Variants in LMTK2 observed in about 807,000 individuals in gnomAD.
The protein encoded by LMTK2 is lemur tail kinase 2, also known as serine/threonine-protein kinase LMTK2.
A neutral mutation model predicts 127.5 loss-of-function variants in LMTK2; 37 were observed. That is an observed-to-expected ratio of 0.29 (90% CI 0.22 to 0.38). The LOEUF (loss-of-function observed/expected upper bound fraction) is 0.38. Ranked by LOEUF, LMTK2 falls within the 10% of genes least tolerant of loss-of-function variation. The probability of loss-of-function intolerance (pLI) is 1.00; values close to 1 mark genes in which losing one functional copy is unlikely to be tolerated. For missense variants in LMTK2, 1,694 were observed against 1,920.3 expected, an observed-to-expected ratio of 0.88 and a Z score of 2.20; for synonymous variants, 819 against 810.1, an observed-to-expected ratio of 1.01 and a Z score of -0.19.
At position 98,137,383 on chromosome 7, in the gene LMTK2, T is replaced by A; in HGVS notation, c.172T>A (p.Leu58Ile). The change falls in exon 2 of 14, where the codon TTA becomes ATA. Residue 58 changes from leucine (L) to isoleucine (I), a missense_variant. Around this residue, in one of 8 missense-constraint regions of LMTK2, gnomAD observed 76 missense variants for 82.0 expected, o/e 0.93. Transcript: ENST00000297293. ...CCTGTGTGTGTGCAGTTTAATAATA[T>A]TAATAGTGTTAATTGCAAACTGTGT... ...VILCVCSLII[L>I]IVLIANCVSC... 2 of 1,613,822 alleles carry A rather than the reference T, an allele frequency of 1.2e-6. No homozygotes were observed. Among genetic ancestry groups the A allele is most frequent in the Non-Finnish European group, 1.7e-6 (2 of 1,179,780 alleles).
intron 6 of LMTK2, among the ~76,000 whole-genome samples, chr7:98,160,309 ATTTT>A (rs527242990): frequency 2.4e-4 from 37 of 152,314 alleles, no homozygotes; most frequent in Non-Finnish European, 4.7e-4. Context: ...AAGCATCGTG[ATTTT>A]TTGTTTTAAT....
intron 3 of LMTK2, among the ~76,000 whole-genome samples, chr7:98,149,063 T>G (rs1796813711): frequency 6.6e-6 from 1 of 152,252 alleles, no homozygotes; most frequent in Non-Finnish European, 1.5e-5. Context: ...CTCATTTGCC[T>G]TTCGTTGTTT....
At chr7:98,150,670 T>G (rs1334640935) in intron 3 of LMTK2, among the ~76,000 whole-genome samples, 4 of 152,262 alleles carry the variant, frequency 2.6e-5, no homozygotes, top group African/African-American at 9.6e-5. Flanking sequence ...AAAACTCTTC[T>G]GTGACAAAAG....
chr7:98,175,711 G>C (rs1401618828), intron 7 of LMTK2, among the ~76,000 whole-genome samples: 1 of 152,218 alleles, frequency 6.6e-6, no homozygotes, highest in African/African-American at 2.4e-5. Flanking sequence ...TATCTCCCAT[G>C]ATGTATGTCA....
intron 2 of LMTK2, 55 bp from the exon 3 acceptor site, chr7:98,141,342 T>A: frequency 1.3e-6 from 2 of 1,511,936 alleles, no homozygotes; most frequent in Non-Finnish European, 1.8e-6. Flanking sequence ...TGCAAATATG[T>A]TCCTATTTTA....
In LMTK2 at chr7:98,203,683, C is replaced by A; in HGVS notation, c.4217C>A (p.Ser1406Tyr). 1 of 1,613,896 alleles carries A rather than the reference C, an allele frequency of 6.2e-7. No homozygotes were observed. The highest frequency in any genetic ancestry group is 1.1e-5 in the South Asian group (1 of 91,082). Residue 1406 changes from serine (S) to tyrosine (Y), a missense_variant, in exon 12 of 14, where the codon TCC becomes TAC. Transcript: ENST00000297293. ...GSPYLSRCIN[S>Y]ESSTDEEGGG... The stretch of plus-strand genomic sequence containing the variant: ...CCCTACCTGAGCAGGTGCATCAACT[C>A]CGAAAGCTCCACCGACGAAGAAGGT...
intron 2 of LMTK2, among the ~76,000 whole-genome samples, 160 bp from the exon 3 acceptor site, chr7:98,141,237 G>C (rs1025178196): frequency 6.7e-6 from 1 of 149,618 alleles, no homozygotes; most frequent in Non-Finnish European, 1.5e-5. Flanking sequence ...GTATTCTGCT[G>C]TTTGGAGTCA....
At chr7:98,199,557 T>G (rs1054218600) in intron 11 of LMTK2, among the ~76,000 whole-genome samples, 3 of 152,230 alleles carry the variant, frequency 2.0e-5, no homozygotes, top group Non-Finnish European at 2.9e-5. Context: ...TGCAGTGGTA[T>G]GATTTTGGCT....
chr7:98,187,019 T>G (rs1410144149), intron 9 of LMTK2, 21 bp downstream of exon 9: 1 of 1,594,368 alleles, frequency 6.3e-7, no homozygotes. Context: ...GCTTACCGTT[T>G]TATTAGTCAT....
chr7:98,196,432 A>G (rs1193010544), intron 11 of LMTK2, among the ~76,000 whole-genome samples: 1 of 152,184 alleles, frequency 6.6e-6, no homozygotes, highest in Non-Finnish European at 1.5e-5. Context: ...GCATCCACAT[A>G]GCCCTTTCTC....
At chr7:98,205,332 C>T (rs1797773411) in intron 13 of LMTK2, 132 bp from the exon 14 acceptor site, 12 of 1,014,210 alleles carry the variant, frequency 1.2e-5, no homozygotes, top group Non-Finnish European at 1.6e-5. Context: ...ACAGGAAGGG[C>T]GGCTCAGGCG....
chr7:98,202,392 T>C (rs1797716576), intron 11 of LMTK2, among the ~76,000 whole-genome samples: 1 of 152,230 alleles, frequency 6.6e-6, no homozygotes, highest in African/African-American at 2.4e-5. Context: ...TTCAGATAAT[T>C]CCAACATCTG....
intron 11 of LMTK2, among the ~76,000 whole-genome samples, chr7:98,196,219 C>T (rs1797620392): frequency 6.6e-6 from 1 of 151,542 alleles, no homozygotes; most frequent in Non-Finnish European, 1.5e-5. Flanking sequence ...GCCTCCTGAG[C>T]TCAGCCTGAC....
Position 98,184,963 on chromosome 7 carries a change from G to A in LMTK2, c.792-88G>A, listed in dbSNP as rs190565344. ...AGCTCAATATACTTACTCGGATCCC[G>A]AGAGAAAGCCCATTTCTGTGGCATT... is the stretch of plus-strand genomic sequence containing the variant. On this transcript the variant is annotated intron_variant, in intron 7 of 13. Transcript: ENST00000297293. The A allele has an allele frequency of 2.1e-3, 1,965 of 935,034 alleles. 4 individuals are homozygous for A. Among genetic ancestry groups the A allele is most frequent in the Non-Finnish European group, 2.8e-3 (1,649 of 579,552 alleles). 57.9% of individuals were successfully genotyped at this position (935,034 alleles called of 1,614,324 possible).
intron 11 of LMTK2, among the ~76,000 whole-genome samples, chr7:98,200,454 G>A (rs1311977082): frequency 2.0e-5 from 3 of 152,224 alleles, no homozygotes; most frequent in Non-Finnish European, 4.4e-5. Context: ...CAGATCGAAA[G>A]CACAGTATTC....
intron 1 of LMTK2, among the ~76,000 whole-genome samples, chr7:98,111,003 G>A (rs1017162898): frequency 2.0e-5 from 3 of 152,152 alleles, no homozygotes; most frequent in Non-Finnish European, 2.9e-5. Context: ...TTTTCAACAG[G>A]CTTTCTATGC....
intron 3 of LMTK2, among the ~76,000 whole-genome samples, chr7:98,142,454 T>G (rs1257152597): frequency 6.6e-6 from 1 of 152,194 alleles, no homozygotes; most frequent in Admixed American, 6.5e-5. Flanking sequence ...TTAATTGCTG[T>G]AAATAACAAT....
chr7:98,114,176 T>C (rs1796244696), intron 1 of LMTK2, among the ~76,000 whole-genome samples: 1 of 152,110 alleles, frequency 6.6e-6, no homozygotes, highest in African/African-American at 2.4e-5. Context: ...GTGGTAAACC[T>C]TCTGTTTAAT....
At chr7:98,136,322 G>A (rs1445305419) in intron 1 of LMTK2, among the ~76,000 whole-genome samples, 1 of 152,180 alleles carries the variant, frequency 6.6e-6, no homozygotes, top group Non-Finnish European at 1.5e-5. Context: ...AACAAATGTA[G>A]AAGAAATGAG....
Sources: gnomAD v4.1 joint callset for allele counts (sites outside exome capture counted in the v4.1 genomes callset) on GRCh38, gnomAD v4.1.1 for gene constraint, gnomAD v4.1.1 regional missense constraint, MANE v1.5 for transcripts, NCBI Gene and HGNC (gene_info 2026-07-23, HGNC 2026-07-21) for gene names.